The following INPP4B variants were observed in gnomAD, a reference collection of about 807,000 sequenced individuals.
The protein encoded by INPP4B is inositol polyphosphate 4-phosphatase type II.
INPP4B carries 55 observed loss-of-function variants against 122.5 expected under a neutral mutation model. The ratio of observed to expected loss-of-function variants is 0.45; its 90% confidence interval spans 0.36 to 0.56. INPP4B has a LOEUF of 0.56. INPP4B is among the 20% of genes least tolerant of loss of function. The probability of loss-of-function intolerance (pLI) is 0.00; values close to 1 mark genes in which losing one functional copy is unlikely to be tolerated. For synonymous variants in INPP4B, 403 were observed against 388.7 expected (o/e 1.04, Z -0.43); for missense variants, 1,000 against 1,097.7 (o/e 0.91, Z 1.26).
At chr4:142,819,959 T>C (rs1780601407) in intron 1 of INPP4B, among the ~76,000 whole-genome samples, 1 of 151,996 alleles carries the variant, frequency 6.6e-6, no homozygotes, top group Non-Finnish European at 1.5e-5. Context: ...AAATCACCCT[T>C]CCTTCCCCAG....
intron 2 of INPP4B, among the ~76,000 whole-genome samples, chr4:142,694,133 G>A (rs1760654066): frequency 6.6e-6 from 1 of 152,098 alleles, no homozygotes; most frequent in Admixed American, 6.6e-5. Flanking sequence ...AGCACTTTGG[G>A]AGGCCGACGC....
chr4:142,635,036 A>T (rs1191863868), intron 2 of INPP4B, among the ~76,000 whole-genome samples: 2 of 152,160 alleles, frequency 1.3e-5, no homozygotes, highest in Admixed American at 6.6e-5. Context: ...CCCATTCAAA[A>T]GTGGGCAAAG....
At chr4:142,128,439 A>G (rs907943687) in intron 18 of INPP4B, among the ~76,000 whole-genome samples, 1 of 152,046 alleles carries the variant, frequency 6.6e-6, no homozygotes, top group East Asian at 1.9e-4. Context: ...GTGCCCCACA[A>G]TATAGTCACT....
intron 2 of INPP4B, among the ~76,000 whole-genome samples, chr4:142,653,186 C>A (rs572784520): frequency 6.6e-6 from 1 of 152,154 alleles, no homozygotes; most frequent in Non-Finnish European, 1.5e-5. Flanking sequence ...AAAGCTGAAA[C>A]TGGATCCCTT....
intron 1 of INPP4B, among the ~76,000 whole-genome samples, chr4:142,830,503 G>C (rs1041493209): frequency 6.6e-6 from 1 of 152,144 alleles, no homozygotes; most frequent in African/African-American, 2.4e-5. Flanking sequence ...AGCTAGAGGG[G>C]AATATGGAGT....
chr4:142,827,921 A>C (rs1440593798), intron 1 of INPP4B, among the ~76,000 whole-genome samples: 1 of 152,158 alleles, frequency 6.6e-6, no homozygotes, highest in East Asian at 1.9e-4. Context: ...GTTAAATAAT[A>C]ATGAATTTGT....
chr4:142,527,948 A>G (rs953025344), intron 2 of INPP4B, among the ~76,000 whole-genome samples: 7 of 152,060 alleles, frequency 4.6e-5, no homozygotes, highest in African/African-American at 1.7e-4. Flanking sequence ...ATTGCCTTAG[A>G]ATAAATCAAG....
At chr4:142,655,010 C>A (rs1260253086) in intron 2 of INPP4B, among the ~76,000 whole-genome samples, 1 of 152,002 alleles carries the variant, frequency 6.6e-6, no homozygotes, top group Non-Finnish European at 1.5e-5. Context: ...GCAACAGTCA[C>A]CTTCAGATAC....
chr4:142,308,775 A>T (rs1261446349), intron 8 of INPP4B, among the ~76,000 whole-genome samples: 2 of 152,006 alleles, frequency 1.3e-5, no homozygotes, highest in Non-Finnish European at 2.9e-5. Flanking sequence ...TGTTTTCTGA[A>T]TATCCTTTGG....
At chr4:142,286,606 T>C (rs187300157) in intron 9 of INPP4B, among the ~76,000 whole-genome samples, 17 of 152,286 alleles carry the variant, frequency 1.1e-4, no homozygotes, top group Admixed American at 1.1e-3. Context: ...TGTATCAGAA[T>C]TGACTTAAAT....
At chr4:142,699,089 G>A (rs757759687) in intron 2 of INPP4B, among the ~76,000 whole-genome samples, 2 of 152,130 alleles carry the variant, frequency 1.3e-5, no homozygotes, top group Non-Finnish European at 2.9e-5. Context: ...TGGGTGGGGT[G>A]GAAGTGGGAA....
At chr4:142,242,616 T>C (rs940590674) in intron 11 of INPP4B, among the ~76,000 whole-genome samples, 1 of 152,176 alleles carries the variant, frequency 6.6e-6, no homozygotes, top group Non-Finnish European at 1.5e-5. Context: ...CATCAAGTTG[T>C]TTCTTGCCAG....
At chr4:142,543,103 G>A (rs1054422274) in intron 2 of INPP4B, among the ~76,000 whole-genome samples, 1 of 152,132 alleles carries the variant, frequency 6.6e-6, no homozygotes, top group Admixed American at 6.5e-5. Flanking sequence ...AAGTATTGAT[G>A]TATGTGCACA....
chr4:142,543,203 C>T (rs1161966251), intron 2 of INPP4B, among the ~76,000 whole-genome samples: 2 of 152,132 alleles, frequency 1.3e-5, no homozygotes, highest in African/African-American at 4.8e-5. Flanking sequence ...CATTGCATTA[C>T]TGTGGCTCAC....
At chr4:142,084,377 C>T (rs1005070551) in intron 24 of INPP4B, among the ~76,000 whole-genome samples, 1 of 152,064 alleles carries the variant, frequency 6.6e-6, no homozygotes, top group South Asian at 2.1e-4. Context: ...CCTCGGCCCC[C>T]CAAAGTGCTG....
At chr4:142,653,330 A>G (rs968278411) in intron 2 of INPP4B, among the ~76,000 whole-genome samples, 6 of 152,236 alleles carry the variant, frequency 3.9e-5, no homozygotes, top group Admixed American at 3.3e-4. Context: ...CTTCATGACT[A>G]AGACACCAAA....
At chr4:142,842,539 T>C (rs1242222804) in intron 1 of INPP4B, among the ~76,000 whole-genome samples, 3 of 142,856 alleles carry the variant, frequency 2.1e-5, no homozygotes, top group Non-Finnish European at 4.5e-5. Context: ...TTATAATATA[T>C]ACAATATCTA....
At chr4:142,102,063 A>G (rs533976129) in intron 23 of INPP4B, among the ~76,000 whole-genome samples, 196 of 152,148 alleles carry the variant, frequency 1.3e-3, no homozygotes, top group African/African-American at 4.3e-3. Context: ...ACTTGTCCCA[A>G]TGGAGTCCTT....
rs1736119435 is a variant in INPP4B at position 142,023,566 on chromosome 4, T to C, written c.*5216A>G. Reference sequence around the variant, plus strand: ...TAATGTTGATAGTGACATAAAAACATCACAAGAATTATCTAGATAATATAG... The same window carrying C: ...TAATGTTGATAGTGACATAAAAACACCACAAGAATTATCTAGATAATATAG... On this transcript the variant is annotated 3_prime_UTR_variant, in exon 26 of 26. Transcript: ENST00000262992. The C allele has an allele frequency of 6.6e-6, 1 of 152,126 alleles. No homozygotes were observed. The highest frequency in any genetic ancestry group is 1.5e-5 in the Non-Finnish European group (1 of 68,018). 9.4% of individuals were successfully genotyped at this position (152,126 alleles called of 1,614,324 possible).
Sources: allele counts gnomAD v4.1 joint callset (sites outside exome capture counted in the v4.1 genomes callset), GRCh38; gene constraint gnomAD v4.1.1; transcripts MANE v1.5; gene names NCBI Gene and HGNC (gene_info 2026-07-23, HGNC 2026-07-21).